Variants in PPARGC1A observed in about 807,000 individuals in gnomAD.
The protein encoded by PPARGC1A is PPARG coactivator 1 alpha.
PPARGC1A carries 25 observed loss-of-function variants against 88.7 expected under a neutral mutation model. The observed-to-expected ratio is 0.28, with a 90% confidence interval of 0.21 to 0.39. The LOEUF is 0.39. PPARGC1A is among the 10% of genes least tolerant of loss of function. The probability of loss-of-function intolerance (pLI) is 1.00; values close to 1 mark genes in which losing one functional copy is unlikely to be tolerated. For synonymous variants in PPARGC1A, 363 were observed against 355.6 expected, an observed-to-expected ratio of 1.02 and a Z score of -0.24; for missense variants, 880 against 968.7, an observed-to-expected ratio of 0.91 and a Z score of 1.22.
At chr4:24,164,960 GCCTGCTGAGGGGGACGATTCAAAGT>G in the PPARGC1A span, among the ~76,000 whole-genome samples, 1 of 152,092 alleles carries the variant, frequency 6.6e-6, no homozygotes, top group East Asian at 1.9e-4. Context: ...TGGGAGAGGA[GCCTGCTGAGGGGGACGATTCAAAGT>G]CCCTCCAAGA....
the PPARGC1A span, among the ~76,000 whole-genome samples, chr4:24,325,890 C>A: frequency 6.6e-6 from 1 of 152,294 alleles, no homozygotes; most frequent in South Asian, 2.1e-4. Flanking sequence ...AACTCCCCAA[C>A]TCTGGTGGCA....
At chr4:24,091,034 C>A in the PPARGC1A span, among the ~76,000 whole-genome samples, 3 of 152,146 alleles carry the variant, frequency 2.0e-5, no homozygotes, top group South Asian at 2.1e-4. Context: ...AGAATGGTCA[C>A]CTCATTAAAA....
At chr4:24,163,850 A>G in the PPARGC1A span, among the ~76,000 whole-genome samples, 1 of 152,210 alleles carries the variant, frequency 6.6e-6, no homozygotes, top group African/African-American at 2.4e-5. Flanking sequence ...TAAGACGAAC[A>G]GCCCATAGGG....
At chr4:23,827,495 T>G (rs1724176796) in intron 5 of PPARGC1A, among the ~76,000 whole-genome samples, 2 of 152,116 alleles carry the variant, frequency 1.3e-5, no homozygotes, top group Admixed American at 1.3e-4. Flanking sequence ...ACCACAAGGT[T>G]AAAGTAGAAG....
the PPARGC1A span, among the ~76,000 whole-genome samples, chr4:23,923,560 CAAAAAAA>C: frequency 6.7e-6 from 1 of 149,064 alleles, no homozygotes; most frequent in Non-Finnish European, 1.5e-5. Context: ...ACAAAAAATG[CAAAAAAA>C]GAAAAAAGAA....
At chr4:23,985,989 C>G in the PPARGC1A span, among the ~76,000 whole-genome samples, 4 of 151,968 alleles carry the variant, frequency 2.6e-5, no homozygotes, top group African/African-American at 9.7e-5. Flanking sequence ...CCCTTCATCT[C>G]TTTAGACCTC....
chr4:23,890,499 A>G (rs1717667385), upstream of PPARGC1A, among the ~76,000 whole-genome samples: 1 of 151,948 alleles, frequency 6.6e-6, no homozygotes, highest in South Asian at 2.1e-4. Flanking sequence ...AAGATCTCCA[A>G]GTGGACTCAA....
the PPARGC1A span, among the ~76,000 whole-genome samples, chr4:24,259,419 C>T: frequency 0.34 from 51,596 of 152,040 alleles, 9,318 homozygotes; most frequent in Non-Finnish European, 0.4. Context: ...TAAATACCTG[C>T]TCAGTGATGT....
chr4:24,233,899 C>G, the PPARGC1A span, among the ~76,000 whole-genome samples: 37 of 152,316 alleles, frequency 2.4e-4, 1 homozygote, highest in South Asian at 5.0e-3. Flanking sequence ...AGACTAAGTC[C>G]TGACCTGTGA....
chr4:24,120,118 C>G, the PPARGC1A span, among the ~76,000 whole-genome samples: 1 of 152,166 alleles, frequency 6.6e-6, no homozygotes, highest in African/African-American at 2.4e-5. Flanking sequence ...GCATAAATCT[C>G]TTTTAAAGTA....
chr4:24,114,303 G>A, the PPARGC1A span, among the ~76,000 whole-genome samples: 6 of 152,208 alleles, frequency 3.9e-5, no homozygotes, highest in East Asian at 1.9e-4. Context: ...ATTTCTAACC[G>A]CTATGGTCTT....
At chr4:24,397,198 T>C in the PPARGC1A span, among the ~76,000 whole-genome samples, 1 of 152,144 alleles carries the variant, frequency 6.6e-6, no homozygotes, top group South Asian at 2.1e-4. Context: ...CTTAAATGAC[T>C]GACAATATTA....
the PPARGC1A span, among the ~76,000 whole-genome samples, chr4:23,986,883 C>G: frequency 6.6e-6 from 1 of 152,044 alleles, no homozygotes; most frequent in Non-Finnish European, 1.5e-5. Flanking sequence ...CCACAAAATG[C>G]ATATCAGACA....
At chr4:23,872,066 A>G (rs191985596) in intron 2 of PPARGC1A, among the ~76,000 whole-genome samples, 204 of 152,088 alleles carry the variant, frequency 1.3e-3, no homozygotes, top group African/African-American at 4.6e-3. Flanking sequence ...TGATGGATCC[A>G]AGAGAGAGAG....
the PPARGC1A span, among the ~76,000 whole-genome samples, chr4:24,468,777 T>A: frequency 1.5e-3 from 233 of 152,338 alleles, 1 homozygote; most frequent in African/African-American, 5.3e-3. Context: ...TCATTATTTT[T>A]TTTTTACTTG....
the PPARGC1A span, among the ~76,000 whole-genome samples, chr4:24,270,643 A>G: frequency 6.6e-6 from 1 of 152,172 alleles, no homozygotes; most frequent in Non-Finnish European, 1.5e-5. Context: ...GAAAAAGGAA[A>G]GTTGTGTAAC....
At chr4:24,077,712 T>C in the PPARGC1A span, among the ~76,000 whole-genome samples, 4 of 151,498 alleles carry the variant, frequency 2.6e-5, no homozygotes, top group African/African-American at 9.7e-5. Context: ...TCTTACAATC[T>C]GTGGCTCTTA....
chr4:24,419,524 G>A, the PPARGC1A span, among the ~76,000 whole-genome samples: 24 of 150,278 alleles, frequency 1.6e-4, 1 homozygote, highest in Non-Finnish European at 3.4e-4. Context: ...TGAAAAGGCT[G>A]CCCTCTCCCA....
chr4:23,942,140 A>C, the PPARGC1A span, among the ~76,000 whole-genome samples: 2 of 152,146 alleles, frequency 1.3e-5, no homozygotes, highest in Admixed American at 1.3e-4. Context: ...CCTTAATGGA[A>C]TGATTTTCAC....
Sources: gnomAD v4.1 joint callset for allele counts (sites outside exome capture counted in the v4.1 genomes callset) on GRCh38, gnomAD v4.1.1 for gene constraint, MANE v1.5 for transcripts, NCBI Gene and HGNC (gene_info 2026-07-23, HGNC 2026-07-21) for gene names.